Variants in MBD5 observed in about 807,000 individuals in gnomAD.
The protein encoded by MBD5 is methyl-CpG-binding domain protein 5.
MBD5 carries 13 observed loss-of-function variants against 117.3 expected under a neutral mutation model. The ratio of observed to expected loss-of-function variants is 0.11; its 90% CI spans 0.07 to 0.18. The LOEUF is 0.18. MBD5 is among the 10% of genes least tolerant of loss of function. MBD5 has a pLI of 1.00. For missense variants in MBD5, 1,879 were observed against 2,093.8 expected, an observed-to-expected ratio of 0.90 and a Z score of 2.00; for synonymous variants, 727 against 766.4, an observed-to-expected ratio of 0.95 and a Z score of 0.85.
At chr2:148,048,873 CTG>C (rs1217010432) in intron 1 of MBD5, among the ~76,000 whole-genome samples, 10 of 152,086 alleles carry the variant, frequency 6.6e-5, no homozygotes, top group African/African-American at 2.4e-4. Context: ...ATAAGCCTCT[CTG>C]TGAAAAATTG....
chr2:148,516,738 T>C lies in MBD5; in HGVS notation c.*3797T>C, dbSNP rs1193760646. On this transcript the variant is annotated 3_prime_UTR_variant, in exon 14 of 14. Coordinates refer to ENST00000642680, the MANE Select transcript of MBD5 (RefSeq NM_001378120.1). ...TATCTTCAAATATGAAAGATTAATT[T>C]GTATCTACTGTAAATATGTATTACC... is the stretch of plus-strand genomic sequence containing the variant. The C allele has an allele frequency of 9.2e-5, 14 of 152,232 alleles. No homozygotes were observed. Among genetic ancestry groups the C allele is most frequent in the Admixed American group, 9.2e-4 (14 of 15,288 alleles). The allele number at this position is 152,232 out of a possible 1,614,324, so 9.4% of individuals were successfully genotyped here. A position where few individuals can be genotyped will look rare whatever the true frequency, so the allele number is the denominator to read the frequency against.
At chr2:148,156,346 A>T (rs11889600) in intron 1 of MBD5, among the ~76,000 whole-genome samples, 1,875 of 152,312 alleles carry the variant, frequency 0.012, 44 homozygotes, top group African/African-American at 0.043. Flanking sequence ...CTAACAGGAA[A>T]GAACTGCTTA....
At chr2:148,051,359 A>C (rs1160823643) in intron 1 of MBD5, among the ~76,000 whole-genome samples, 5 of 151,586 alleles carry the variant, frequency 3.3e-5, no homozygotes, top group Non-Finnish European at 7.4e-5. Context: ...GTCATCTGCA[A>C]ATAGAAATAG....
chr2:148,154,342 A>T (rs577686857), intron 1 of MBD5, among the ~76,000 whole-genome samples: 1,861 of 151,956 alleles, frequency 0.012, 44 homozygotes, highest in African/African-American at 0.042. Flanking sequence ...CAAAGCTGTC[A>T]GACAGGGACA....
chr2:148,478,505 C>A (rs944124262), intron 8 of MBD5, among the ~76,000 whole-genome samples: 6 of 152,112 alleles, frequency 3.9e-5, no homozygotes, highest in South Asian at 2.1e-4. Flanking sequence ...TTGCAGTGAG[C>A]CAAGATCACA....
chr2:148,170,520 T>C (rs1698240218), intron 1 of MBD5, among the ~76,000 whole-genome samples: 1 of 152,216 alleles, frequency 6.6e-6, no homozygotes, highest in African/African-American at 2.4e-5. Flanking sequence ...TTTGCGGTTT[T>C]ATTTTATTTT....
chr2:148,323,260 G>T (rs1023873626), intron 3 of MBD5, among the ~76,000 whole-genome samples: 2 of 152,132 alleles, frequency 1.3e-5, no homozygotes, highest in African/African-American at 4.8e-5. Context: ...GGACATTTGG[G>T]TTGGTTCCAA....
At chr2:148,180,655 C>A (rs754641532) in intron 2 of MBD5, among the ~76,000 whole-genome samples, 1 of 151,988 alleles carries the variant, frequency 6.6e-6, no homozygotes, top group Non-Finnish European at 1.5e-5. Context: ...CTCGGCCTCC[C>A]AAAGTGATGG....
chr2:148,295,792 TC>T, intron 3 of MBD5: 1 of 172,276 alleles, frequency 5.8e-6, no homozygotes, highest in Non-Finnish European at 1.2e-5. Context: ...ATTGGTTGCA[TC>T]CCCTGAAGTG....
chr2:148,109,380 G>T (rs1017848328), intron 1 of MBD5, among the ~76,000 whole-genome samples: 2 of 152,118 alleles, frequency 1.3e-5, no homozygotes, highest in African/African-American at 2.4e-5. Context: ...TATGGTCATT[G>T]CATCACTTTA....
At chr2:148,443,373 T>A (rs1706387858) in intron 4 of MBD5, among the ~76,000 whole-genome samples, 1 of 151,300 alleles carries the variant, frequency 6.6e-6, no homozygotes, top group African/African-American at 2.5e-5. Context: ...TACCATATGA[T>A]CCAGCAATCT....
intron 4 of MBD5, among the ~76,000 whole-genome samples, chr2:148,368,103 T>A (rs1025487022): frequency 3.9e-5 from 6 of 152,114 alleles, no homozygotes; most frequent in Non-Finnish European, 8.8e-5. Context: ...TAGACTGGAT[T>A]AAGAAAATGT....
chr2:148,368,622 G>A (rs571985466), intron 4 of MBD5, among the ~76,000 whole-genome samples: 6 of 152,104 alleles, frequency 3.9e-5, no homozygotes, highest in Non-Finnish European at 5.9e-5. Flanking sequence ...TTGTGTTAAC[G>A]TAGTCCCAGC....
chr2:148,152,650 T>G (rs1006253620), intron 1 of MBD5, among the ~76,000 whole-genome samples: 1 of 152,182 alleles, frequency 6.6e-6, no homozygotes, highest in African/African-American at 2.4e-5. Flanking sequence ...ATATTTAGGA[T>G]AGTTAGCTCT....
intron 4 of MBD5, among the ~76,000 whole-genome samples, chr2:148,374,719 G>A (rs1057362881): frequency 5.9e-5 from 9 of 152,084 alleles, no homozygotes; most frequent in South Asian, 2.1e-4. Flanking sequence ...GAAGATGATC[G>A]CTCAGGCAGA....
chr2:148,480,975 A>G (rs1681131264), intron 8 of MBD5, among the ~76,000 whole-genome samples: 1 of 152,172 alleles, frequency 6.6e-6, no homozygotes, highest in South Asian at 2.1e-4. Context: ...ACTTACTACT[A>G]TTAGCACAGC....
intron 3 of MBD5, among the ~76,000 whole-genome samples, chr2:148,323,989 G>T (rs1305528906): frequency 6.6e-6 from 1 of 152,178 alleles, no homozygotes; most frequent in Non-Finnish European, 1.5e-5. Context: ...TAACGTTTAA[G>T]TCTTTAATCC....
At chr2:148,228,651 T>C (rs1296787604) in intron 2 of MBD5, among the ~76,000 whole-genome samples, 2 of 152,220 alleles carry the variant, frequency 1.3e-5, no homozygotes, top group African/African-American at 4.8e-5. Flanking sequence ...ATTCCCTCTT[T>C]TTCTGTTGAT....
chr2:148,080,313 T>C (rs1170365351), intron 1 of MBD5, among the ~76,000 whole-genome samples: 1 of 152,204 alleles, frequency 6.6e-6, no homozygotes, highest in African/African-American at 2.4e-5. Context: ...TTCATTATAT[T>C]TCATATTTAG....
Sources: gnomAD v4.1 joint callset for allele counts (sites outside exome capture counted in the v4.1 genomes callset) on GRCh38, gnomAD v4.1.1 for gene constraint, MANE v1.5 for transcripts, NCBI Gene and HGNC (gene_info 2026-07-23, HGNC 2026-07-21) for gene names.